C4orf36: variants seen among roughly 807,000 people sequenced by gnomAD.
The protein encoded by C4orf36 is chromosome 4 open reading frame 36.
C4orf36 carries 11 observed loss-of-function variants against 12.2 expected under a neutral mutation model. That is an observed-to-expected ratio of 0.90 (90% CI 0.57 to 1.49). C4orf36 has a LOEUF of 1.49. C4orf36 is among the 40% of genes most tolerant of loss of function. C4orf36 has a pLI of 0.00. For synonymous variants in C4orf36, 54 were observed against 51.3 expected (o/e 1.05, Z -0.22); for missense variants, 137 against 133.9 (o/e 1.02, Z -0.11).
the C4orf36 span, among the ~76,000 whole-genome samples, chr4:86,899,580 T>G: frequency 6.6e-6 from 1 of 152,202 alleles, no homozygotes; most frequent in Non-Finnish European, 1.5e-5. Context: ...CCCAGCACTT[T>G]CAAGAGGCAG....
intron 1 of C4orf36, among the ~76,000 whole-genome samples, chr4:86,891,805 T>C (rs569018138): frequency 6.6e-6 from 1 of 152,198 alleles, no homozygotes; most frequent in Non-Finnish European, 1.5e-5. Flanking sequence ...GTAAGTTTCG[T>C]CATCCTGAGA....
At chr4:86,910,323 A>G in the C4orf36 span, among the ~76,000 whole-genome samples, 1 of 151,984 alleles carries the variant, frequency 6.6e-6, no homozygotes, top group Non-Finnish European at 1.5e-5. Context: ...GAGGCAGGAG[A>G]ATCACTTGAA....
intron 2 of C4orf36, among the ~76,000 whole-genome samples, chr4:86,889,209 G>A (rs1348986623): frequency 6.6e-6 from 1 of 152,094 alleles, no homozygotes; most frequent in Non-Finnish European, 1.5e-5. Context: ...ACTTAGCTGG[G>A]CATGGTGGCG....
chr4:86,918,103 C>T, the C4orf36 span, among the ~76,000 whole-genome samples: 4 of 152,180 alleles, frequency 2.6e-5, no homozygotes, highest in Admixed American at 1.3e-4. Flanking sequence ...ACAGGTCTCT[C>T]TCAGTCCTTT....
chr4:86,927,874 A>G, the C4orf36 span, among the ~76,000 whole-genome samples: 1 of 152,184 alleles, frequency 6.6e-6, no homozygotes, highest in African/African-American at 2.4e-5. Context: ...TGCAATTGCC[A>G]CATATATCAC....
At chr4:86,926,624 AAC>A in the C4orf36 span, among the ~76,000 whole-genome samples, 8 of 152,124 alleles carry the variant, frequency 5.3e-5, no homozygotes, top group African/African-American at 1.4e-4. Flanking sequence ...TGGAACTCCA[AAC>A]ACACATTCTT....
the C4orf36 span, among the ~76,000 whole-genome samples, chr4:86,917,392 G>A: frequency 7.2e-6 from 1 of 138,072 alleles, no homozygotes; most frequent in Non-Finnish European, 1.6e-5. Context: ...AAGGAAGGAA[G>A]GAAGGAGAGA....
At chr4:86,909,531 G>A in the C4orf36 span, among the ~76,000 whole-genome samples, 2 of 152,146 alleles carry the variant, frequency 1.3e-5, no homozygotes, top group Non-Finnish European at 2.9e-5. Flanking sequence ...ATATCTCAGT[G>A]CGACACGATA....
At chr4:86,883,336 G>A (rs1747092793) in intron 4 of C4orf36, among the ~76,000 whole-genome samples, 1 of 152,168 alleles carries the variant, frequency 6.6e-6, no homozygotes, top group Non-Finnish European at 1.5e-5. Flanking sequence ...TAAAAATTCA[G>A]GTCAGATAGT....
At chr4:86,883,068 C>T (rs1747086959) in intron 4 of C4orf36, among the ~76,000 whole-genome samples, 1 of 152,170 alleles carries the variant, frequency 6.6e-6, no homozygotes. Flanking sequence ...CAATTAATGC[C>T]ACTAACTAAA....
At chr4:86,880,485 G>A (rs1747027362) in intron 4 of C4orf36, among the ~76,000 whole-genome samples, 1 of 152,130 alleles carries the variant, frequency 6.6e-6, no homozygotes, top group African/African-American at 2.4e-5. Context: ...CCAGAAGGGA[G>A]TGAGGTAATA....
At chr4:86,898,046 TCAG>T in the C4orf36 span, among the ~76,000 whole-genome samples, 8 of 152,234 alleles carry the variant, frequency 5.3e-5, no homozygotes, top group African/African-American at 1.7e-4. Flanking sequence ...TTTACCTGCT[TCAG>T]TTCAATTGAA....
At chr4:86,909,754 G>C in the C4orf36 span, among the ~76,000 whole-genome samples, 1 of 152,024 alleles carries the variant, frequency 6.6e-6, no homozygotes, top group Non-Finnish European at 1.5e-5. Context: ...CAGATTCTCT[G>C]CAAGACTTAC....
the C4orf36 span, among the ~76,000 whole-genome samples, chr4:86,907,133 T>C: frequency 6.6e-6 from 1 of 152,222 alleles, no homozygotes; most frequent in Non-Finnish European, 1.5e-5. Context: ...CAGATGTTTT[T>C]AGACATTTCT....
At chr4:86,907,742 C>G in the C4orf36 span, among the ~76,000 whole-genome samples, 1 of 151,878 alleles carries the variant, frequency 6.6e-6, no homozygotes, top group Non-Finnish European at 1.5e-5. Context: ...TTTGGGAGGC[C>G]AAGGCGGGTG....
At chr4:86,885,702 C>T (rs190896281) in intron 4 of C4orf36, among the ~76,000 whole-genome samples, 9,373 of 152,210 alleles carry the variant, frequency 0.062, 428 homozygotes, top group Non-Finnish European at 0.087. Context: ...CTTTCTCCTG[C>T]CTGATTGCCC....
the C4orf36 span, among the ~76,000 whole-genome samples, chr4:86,931,892 G>A: frequency 0.023 from 3,440 of 151,902 alleles, 135 homozygotes; most frequent in African/African-American, 0.077. Flanking sequence ...AAAATTGGCC[G>A]GGCGTGGTGG....
At chr4:86,904,367 G>C in the C4orf36 span, among the ~76,000 whole-genome samples, 1 of 152,228 alleles carries the variant, frequency 6.6e-6, no homozygotes, top group Admixed American at 6.5e-5. Context: ...ATAGCGCAGC[G>C]GCGGGCTGAA....
the C4orf36 span, chr4:86,934,610 G>A: frequency 6.6e-6 from 1 of 152,214 alleles, no homozygotes; most frequent in Non-Finnish European, 1.5e-5. Flanking sequence ...GCGCTCCCCA[G>A]ATGTTAGTTA....
Sources: allele counts gnomAD v4.1 joint callset (sites outside exome capture counted in the v4.1 genomes callset), GRCh38; gene constraint gnomAD v4.1.1; transcripts MANE v1.5; gene names NCBI Gene and HGNC (gene_info 2026-07-23, HGNC 2026-07-21).